The following ZBTB7C variants were observed in gnomAD, a reference collection of about 807,000 sequenced individuals.
ZBTB7C encodes zinc finger and BTB domain containing 7C.
In ZBTB7C, 8 loss-of-function variants were observed where a neutral mutation model predicts 25.7. The ratio of observed to expected loss-of-function variants is 0.31; its 90% CI spans 0.18 to 0.56. The LOEUF (loss-of-function observed/expected upper bound fraction) is 0.56. Among genes scored for constraint, ZBTB7C ranks in the 20% least tolerant of loss-of-function variants. The probability of loss-of-function intolerance (pLI) is 0.91; values close to 1 mark genes in which losing one functional copy is unlikely to be tolerated. For missense variants in ZBTB7C, 824 were observed against 855.2 expected, an observed-to-expected ratio of 0.96 and a Z score of 0.46; for synonymous variants, 394 against 369.0, an observed-to-expected ratio of 1.07 and a Z score of -0.78.
intron 2 of ZBTB7C, among the ~76,000 whole-genome samples, chr18:48,189,804 G>A (rs1357415865): frequency 6.6e-6 from 1 of 152,172 alleles, no homozygotes; most frequent in Non-Finnish European, 1.5e-5. Flanking sequence ...CAAGACTAAT[G>A]AGTTGTTTTC....
At chr18:48,226,032 C>T (rs560531483) in intron 2 of ZBTB7C, among the ~76,000 whole-genome samples, 111 of 152,288 alleles carry the variant, frequency 7.3e-4, no homozygotes, top group African/African-American at 5.1e-4. Context: ...TAAGCCACCG[C>T]GCCCAGCCTG....
intron 2 of ZBTB7C, among the ~76,000 whole-genome samples, chr18:48,335,927 C>G (rs1004098155): frequency 1.3e-5 from 2 of 152,180 alleles, no homozygotes; most frequent in Non-Finnish European, 2.9e-5. Context: ...AAATGACACA[C>G]GTGGCTTGCA....
At chr18:48,075,511 C>T (rs2037728685) in intron 3 of ZBTB7C, among the ~76,000 whole-genome samples, 1 of 152,202 alleles carries the variant, frequency 6.6e-6, no homozygotes, top group African/African-American at 2.4e-5. Flanking sequence ...GCCCTTCTTC[C>T]CTCACCGTGG....
At chr18:48,042,023 G>T (rs1387616410) in intron 3 of ZBTB7C, among the ~76,000 whole-genome samples, 2 of 152,198 alleles carry the variant, frequency 1.3e-5, no homozygotes, top group Admixed American at 1.3e-4. Flanking sequence ...AGAAAGCAGG[G>T]CACGACAGGG....
chr18:48,067,976 G>A (rs190831582), intron 3 of ZBTB7C, among the ~76,000 whole-genome samples: 10 of 152,112 alleles, frequency 6.6e-5, no homozygotes, highest in African/African-American at 2.2e-4. Context: ...ACTCCGGCCT[G>A]GGCAATAAGA....
chr18:48,234,211 TTCTC>T (rs529883092), intron 2 of ZBTB7C, among the ~76,000 whole-genome samples: 8 of 152,310 alleles, frequency 5.3e-5, no homozygotes, highest in South Asian at 4.1e-4. Flanking sequence ...GCAGACTGCT[TTCTC>T]TCTGAGTTTA....
At chr18:48,198,571 C>T (rs762775341) in intron 2 of ZBTB7C, among the ~76,000 whole-genome samples, 1 of 152,082 alleles carries the variant, frequency 6.6e-6, no homozygotes, top group Non-Finnish European at 1.5e-5. Flanking sequence ...GCTCAGAGTT[C>T]CCTTCCTTCA....
At chr18:48,105,129 T>C (rs1739003988) in intron 3 of ZBTB7C, among the ~76,000 whole-genome samples, 2 of 152,142 alleles carry the variant, frequency 1.3e-5, no homozygotes, top group South Asian at 4.1e-4. Context: ...TTCGTTTCTG[T>C]CCTCTCCTCA....
chr18:48,080,455 G>T (rs1186346438), intron 3 of ZBTB7C, among the ~76,000 whole-genome samples: 1 of 152,190 alleles, frequency 6.6e-6, no homozygotes, highest in African/African-American at 2.4e-5. Context: ...CACAAACAAT[G>T]CTCTAATTAA....
chr18:48,279,689 C>T (rs1436171860), intron 2 of ZBTB7C, among the ~76,000 whole-genome samples: 1 of 152,186 alleles, frequency 6.6e-6, no homozygotes, highest in Non-Finnish European at 1.5e-5. Flanking sequence ...TCAGGCAGCT[C>T]CCCCACTGAA....
intron 2 of ZBTB7C, among the ~76,000 whole-genome samples, chr18:48,337,171 G>T (rs941815385): frequency 6.6e-6 from 1 of 152,134 alleles, no homozygotes; most frequent in East Asian, 1.9e-4. Context: ...CTGACCCTGG[G>T]GACCCTGACA....
At chr18:48,043,029 A>G (rs1181186291) in intron 3 of ZBTB7C, among the ~76,000 whole-genome samples, 16 of 151,900 alleles carry the variant, frequency 1.1e-4, no homozygotes, top group Admixed American at 1.1e-3. Context: ...TAAAACTATC[A>G]TAAGACATCA....
chr18:48,031,582 C>T (rs979876412), intron 4 of ZBTB7C, among the ~76,000 whole-genome samples: 1 of 152,216 alleles, frequency 6.6e-6, no homozygotes, highest in Non-Finnish European at 1.5e-5. Context: ...CTTAAGGATG[C>T]ATTCGAACCA....
intron 1 of ZBTB7C, among the ~76,000 whole-genome samples, chr18:48,404,850 G>A (rs2048242258): frequency 6.6e-6 from 1 of 152,170 alleles, no homozygotes; most frequent in South Asian, 2.1e-4. Flanking sequence ...TGCTGATGCT[G>A]AGGACGTGAA....
intron 3 of ZBTB7C, among the ~76,000 whole-genome samples, chr18:48,183,093 G>A (rs1282632345): frequency 6.6e-6 from 1 of 152,058 alleles, no homozygotes; most frequent in Non-Finnish European, 1.5e-5. Context: ...GTTCGAAAAC[G>A]TTTGTAAAGT....
chr18:48,136,929 C>G (rs993068260), intron 3 of ZBTB7C: 4 of 967,352 alleles, frequency 4.1e-6, no homozygotes, highest in East Asian at 1.1e-4. Context: ...CCCCCACCCC[C>G]TCCCCACGGC....
At chr18:48,403,973 C>T (rs1050633615) in intron 1 of ZBTB7C, among the ~76,000 whole-genome samples, 3 of 152,148 alleles carry the variant, frequency 2.0e-5, no homozygotes, top group African/African-American at 4.8e-5. Context: ...AAAAGATTGG[C>T]GAGGCATGGT....
intron 1 of ZBTB7C, among the ~76,000 whole-genome samples, chr18:48,396,990 T>C (rs2048042682): frequency 6.6e-6 from 1 of 152,218 alleles, no homozygotes; most frequent in Admixed American, 6.5e-5. Flanking sequence ...CAACAGTGCT[T>C]TACGTGGCTC....
chr18:48,126,468 T>C (rs1054516288), intron 3 of ZBTB7C, among the ~76,000 whole-genome samples: 5 of 152,188 alleles, frequency 3.3e-5, no homozygotes, highest in Admixed American at 3.3e-4. Flanking sequence ...CTGGAACTGA[T>C]TGTGGACTCC....
Sources: gnomAD v4.1 joint callset for allele counts (sites outside exome capture counted in the v4.1 genomes callset) on GRCh38, gnomAD v4.1.1 for gene constraint, MANE v1.5 for transcripts, NCBI Gene and HGNC (gene_info 2026-07-23, HGNC 2026-07-21) for gene names.